CIROZ: variants seen among roughly 807,000 people sequenced by gnomAD.
CIROZ encodes the protein ciliated left-right organizer protein containing ZP-N domains.
At chr1:10,948,939 G>A in the CIROZ span, 6 of 1,238,730 alleles carry the variant, frequency 4.8e-6, no homozygotes, top group African/African-American at 1.5e-5. Context: ...AGATGGGTTC[G>A]AGGGACCGGG....
the CIROZ span, among the ~76,000 whole-genome samples, chr1:10,951,745 A>AAAAAAAAAAAAAAAAAATATATATAT: frequency 1.7e-5 from 2 of 119,206 alleles, no homozygotes; most frequent in African/African-American, 7.1e-5. Flanking sequence ...AAAAAAAAAA[A>AAAAAAAAAAAAAAAAAATATATATAT]ATATATATAT....
At chr1:10,958,843 AC>A in the CIROZ span, 1 of 1,352,876 alleles carries the variant, frequency 7.4e-7, no homozygotes, top group Non-Finnish European at 1.0e-6. Flanking sequence ...ACCGGCAATT[AC>A]CCCAGCAGGA....
chr1:10,949,536 C>G, the CIROZ span: 5 of 1,440,882 alleles, frequency 3.5e-6, no homozygotes, highest in Non-Finnish European at 4.8e-6. Flanking sequence ...AAGAGAAGGG[C>G]CTCAGGCCCA....
the CIROZ span, chr1:10,947,795 G>C: frequency 1.2e-6 from 2 of 1,600,100 alleles, no homozygotes; most frequent in Non-Finnish European, 8.5e-7. Flanking sequence ...CAGCCTGGAA[G>C]GGGTATTCAA....
At chr1:10,954,787 C>T in the CIROZ span, among the ~76,000 whole-genome samples, 153 of 152,280 alleles carry the variant, frequency 1.0e-3, no homozygotes, top group African/African-American at 3.6e-3. Context: ...GCAATGAGGT[C>T]TCACTATGTT....
chr1:10,970,971 C>T, the CIROZ span, among the ~76,000 whole-genome samples: 1 of 147,018 alleles, frequency 6.8e-6, no homozygotes. Context: ...AGCAAGACCC[C>T]CCATCTCTAA....
chr1:10,954,059 G>A, the CIROZ span: 16 of 1,613,642 alleles, frequency 9.9e-6, no homozygotes, highest in Admixed American at 2.3e-4. Flanking sequence ...AGAGGACCGG[G>A]GCAGCCATCT....
At chr1:10,975,991 C>T in the CIROZ span, among the ~76,000 whole-genome samples, 1 of 152,166 alleles carries the variant, frequency 6.6e-6, no homozygotes, top group Non-Finnish European at 1.5e-5. Context: ...AATGCCGCTT[C>T]CTTGTTGGGA....
the CIROZ span, chr1:10,976,317 T>G: frequency 1.9e-6 from 2 of 1,035,810 alleles, no homozygotes; most frequent in Non-Finnish European, 2.8e-6. Flanking sequence ...CTCATCTACC[T>G]TCATTCACTC....
the CIROZ span, chr1:10,949,919 C>T: frequency 2.5e-3 from 2,746 of 1,099,680 alleles, 18 homozygotes; most frequent in Non-Finnish European, 2.1e-3. Context: ...AGGTGGGGAA[C>T]GGAAGCTTGG....
the CIROZ span, chr1:10,948,794 C>T: frequency 3.3e-6 from 5 of 1,514,850 alleles, no homozygotes; most frequent in Non-Finnish European, 4.4e-6. Context: ...AGGCAGATGT[C>T]TGGCCTCTTC....
At chr1:10,947,362 T>C in the CIROZ span, among the ~76,000 whole-genome samples, 1 of 151,732 alleles carries the variant, frequency 6.6e-6, no homozygotes, top group Non-Finnish European at 1.5e-5. Context: ...CTCGGGGAGG[T>C]CCATGCAGGC....
At chr1:10,946,827 G>A in the CIROZ span, 4 of 152,256 alleles carry the variant, frequency 2.6e-5, no homozygotes, top group Non-Finnish European at 5.9e-5. Flanking sequence ...GTCCTTTAGA[G>A]ACCTGAGGTC....
the CIROZ span, among the ~76,000 whole-genome samples, chr1:10,969,741 A>G: frequency 5.3e-5 from 8 of 152,186 alleles, no homozygotes; most frequent in Non-Finnish European, 1.0e-4. Context: ...AAGCTTGGGA[A>G]CAATGGCAGG....
chr1:10,958,819 C>T, the CIROZ span: 1 of 1,558,726 alleles, frequency 6.4e-7, no homozygotes, highest in Non-Finnish European at 8.8e-7. Context: ...ACATCCCTGC[C>T]TGTGCCCATC....
At chr1:10,960,621 GC>G in the CIROZ span, among the ~76,000 whole-genome samples, 17 of 152,346 alleles carry the variant, frequency 1.1e-4, no homozygotes, top group Non-Finnish European at 2.4e-4. This position sits in a 1 kb window ranked among gnomAD's most constrained non-coding sequence, Gnocchi z 4.6. Context: ...TAGTTATTGC[GC>G]GGCCTCCCGC....
chr1:10,965,848 A>T, the CIROZ span, among the ~76,000 whole-genome samples: 2 of 151,986 alleles, frequency 1.3e-5, no homozygotes, highest in Admixed American at 1.3e-4. Context: ...GAAAAAGAAT[A>T]CAAAAATATC....
the CIROZ span, chr1:10,958,705 C>A: frequency 6.2e-7 from 1 of 1,614,102 alleles, no homozygotes; most frequent in Non-Finnish European, 8.5e-7. Flanking sequence ...TTCAATGGGG[C>A]CCGCTTACCT....
the CIROZ span, among the ~76,000 whole-genome samples, chr1:10,950,030 CTT>C: frequency 1.1e-4 from 11 of 101,684 alleles, no homozygotes; most frequent in African/African-American, 2.2e-4. Context: ...CATCAAGATT[CTT>C]TTTTTTTTTT....
Sources: gnomAD v4.1 joint callset for allele counts (sites outside exome capture counted in the v4.1 genomes callset) on GRCh38, gnomAD v4.1.1 for gene constraint, Gnocchi (gnomAD v3.1) non-coding constraint, MANE v1.5 for transcripts, NCBI Gene and HGNC (gene_info 2026-07-23, HGNC 2026-07-21) for gene names.